STK17B: variants seen among roughly 807,000 people sequenced by gnomAD.
STK17B encodes serine/threonine-protein kinase 17B.
Under a neutral mutation model 42.0 loss-of-function variants are expected in STK17B, and 21 were observed. The observed-to-expected ratio is 0.50, with a 90% CI of 0.35 to 0.72. The LOEUF is 0.72. Ranked by LOEUF, STK17B falls within the 30% of genes least tolerant of loss-of-function variation. STK17B has a pLI of 0.00. For synonymous variants in STK17B, 143 were observed against 148.4 expected, an observed-to-expected ratio of 0.96 and a Z score of 0.26; for missense variants, 349 against 446.0, an observed-to-expected ratio of 0.78 and a Z score of 1.96.
Position 196,162,464 on chromosome 2 carries a change from AT to A in STK17B, c.122+797del, listed in dbSNP as rs538988448. Among the ~76,000 whole-genome samples the A allele has an allele frequency of 3.1e-3, 470 of 151,452 alleles. 3 individuals carry two copies. The highest frequency in any genetic ancestry group is 0.01 in the Middle Eastern group (3 of 294). On this transcript the variant is annotated intron_variant, in intron 2 of 7. Coordinates refer to ENST00000263955, the MANE Select transcript of STK17B (RefSeq NM_004226.4). Reference sequence around the variant, plus strand: ...CACAATACCCTAGGAATTTAAAAAAATATTTCATTTAACAAAAACTTACAGA... The same window carrying A: ...CACAATACCCTAGGAATTTAAAAAAAATTTCATTTAACAAAAACTTACAGA...
chr2:196,137,560 C>T lies in STK17B; in HGVS notation c.1006G>A (p.Asp336Asn). 6.2e-7 allele frequency: 1 copy of T among 1,614,112 alleles called. No homozygotes were observed. The highest frequency in any genetic ancestry group is 8.5e-7 in the Non-Finnish European group (1 of 1,179,996). The change falls in exon 8 of 8, where the codon GAT (aspartate) becomes AAT (asparagine). Residue 336 changes from aspartate (D) to asparagine (N), a missense_variant. Physicochemically the swap from Asp to Asn is conservative, Grantham distance 23. Transcript: ENST00000263955. ...GGGATATTCTCTTTGTCTTCTCTATCACCACAGGTTCCATTACAGGAGGAT... is the reference window on the plus strand; with the variant it reads ...GGGATATTCTCTTTGTCTTCTCTATTACCACAGGTTCCATTACAGGAGGAT... ...SKSSCNGTCG[D>N]REDKENIPED...
chr2:196,152,854 G>C lies in STK17B; in HGVS notation c.335+3585C>G, dbSNP rs138128421. Among the ~76,000 whole-genome samples the C allele has an allele frequency of 3.4e-4, 52 of 152,346 alleles. 1 individual carries two copies. The East Asian group carries it at 9.3e-3, about 27-fold the overall frequency. On this transcript the variant is annotated intron_variant, in intron 3 of 7. Transcript: ENST00000263955. Reference sequence around the variant, plus strand: ...TAGCTACATAGGTATGGTTGGAAGAGAGCAGAAGGAATAGGAATGAGAGCA... The same window carrying C: ...TAGCTACATAGGTATGGTTGGAAGACAGCAGAAGGAATAGGAATGAGAGCA...
intron 3 of STK17B, among the ~76,000 whole-genome samples, chr2:196,148,432 A>G (rs980058062): frequency 1.3e-5 from 2 of 152,214 alleles, no homozygotes; most frequent in African/African-American, 4.8e-5. Context: ...AAATAATATT[A>G]CAAATAATAT....
rs1699402584 is a variant in STK17B, at chr2:196,136,223, T to G, written c.*1224A>C. ...CATCAGGTGAAAATTCATAAAAGAT[T>G]ACCCGAAAAGGACTAACTTTCCCCA... On this transcript the variant is annotated 3_prime_UTR_variant, in exon 8 of 8. Transcript: ENST00000263955. The G allele has an allele frequency of 6.6e-6, 1 of 152,156 alleles. No homozygotes were observed. The highest frequency in any genetic ancestry group is 2.4e-5 in the African/African-American group (1 of 41,434). The allele number at this position is 152,156 out of a possible 1,614,324, so 9.4% of individuals were successfully genotyped here.
In STK17B at chr2:196,141,199, C is replaced by T. The variant is rs757526546; in HGVS notation, c.656+50G>A. ...TGGAGTCAAAGAACCCCAGAATATA[C>T]GTTTCCCAACTTTCCATAAAGATGT... On this transcript the variant is annotated intron_variant, in intron 6 of 7. Coordinates refer to ENST00000263955, the MANE Select transcript of STK17B (RefSeq NM_004226.4). 21 of 1,434,424 alleles carry T rather than the reference C, an allele frequency of 1.5e-5. No individual in the cohort carries two copies. The Middle Eastern group carries it at 6.0e-4, about 41-fold the overall frequency. The allele number at this position is 1,434,424 out of a possible 1,614,324, so 88.9% of individuals were successfully genotyped here. A position where few individuals can be genotyped will look rare whatever the true frequency, so the allele number is the denominator to read the frequency against.
At chr2:196,164,139 T>A (rs1328813874) in intron 1 of STK17B, among the ~76,000 whole-genome samples, 1 of 152,194 alleles carries the variant, frequency 6.6e-6, no homozygotes, top group African/African-American at 2.4e-5. Context: ...ATTTTAAACT[T>A]ATTTTCACAT....
chr2:196,169,165 C>T (rs1699907246), intron 1 of STK17B, among the ~76,000 whole-genome samples: 1 of 149,748 alleles, frequency 6.7e-6, no homozygotes. Flanking sequence ...CAACCTCGGC[C>T]TTCCGGGTCA....
At position 196,155,443 on chromosome 2, in the gene STK17B, G is replaced by A. The variant is rs187439984; in HGVS notation, c.335+996C>T. Reference sequence around the variant, plus strand: ...AAGTTGATTCCAGCCAATCTATTTCGTGGAACAAAAACATTAATTTTAAAA... The same window carrying A: ...AAGTTGATTCCAGCCAATCTATTTCATGGAACAAAAACATTAATTTTAAAA... On this transcript the variant is annotated intron_variant, in intron 3 of 7. Transcript: ENST00000263955. Among the ~76,000 whole-genome samples, 311 of 152,008 alleles carry A rather than the reference G, an allele frequency of 2.0e-3. 1 individual carries two copies. The highest frequency in any genetic ancestry group is 7.0e-3 in the African/African-American group (289 of 41,480).
At chr2:196,153,868 TA>T (rs1162587494) in intron 3 of STK17B, 4 of 152,234 alleles carry the variant, frequency 2.6e-5, no homozygotes, top group Non-Finnish European at 4.4e-5. Flanking sequence ...TGCCATGTGT[TA>T]GATTAATTTA....
At chr2:196,146,825 A>T (rs1229003204) in intron 3 of STK17B, among the ~76,000 whole-genome samples, 2 of 152,178 alleles carry the variant, frequency 1.3e-5, no homozygotes, top group East Asian at 3.8e-4. Flanking sequence ...TTAGGTTAAC[A>T]AACTTGAATA....
chr2:196,172,043 C>G (rs1699955010), upstream of STK17B, among the ~76,000 whole-genome samples: 1 of 152,188 alleles, frequency 6.6e-6, no homozygotes, highest in African/African-American at 2.4e-5. Context: ...GAGAGTCTTC[C>G]TTAGGACCGG....
At chr2:196,161,310 C>T (rs1699809314) in intron 2 of STK17B, among the ~76,000 whole-genome samples, 1 of 150,686 alleles carries the variant, frequency 6.6e-6, no homozygotes, top group African/African-American at 2.4e-5. Flanking sequence ...AAAAAAAAAA[C>T]CTTTCTTCCT....
chr2:196,175,624 T>A (rs1300478980), upstream of STK17B, among the ~76,000 whole-genome samples: 1 of 152,182 alleles, frequency 6.6e-6, no homozygotes, highest in Non-Finnish European at 1.5e-5. Flanking sequence ...CGAGACTCTG[T>A]CTCAAAAATA....
chr2:196,168,919 T>C (rs1461962353), intron 1 of STK17B, among the ~76,000 whole-genome samples: 2 of 152,142 alleles, frequency 1.3e-5, no homozygotes, highest in African/African-American at 4.8e-5. Context: ...CTAAAGCAAC[T>C]GACATTTGAA....
chr2:196,172,150 A>G (rs1699956173), upstream of STK17B, among the ~76,000 whole-genome samples: 3 of 152,226 alleles, frequency 2.0e-5, no homozygotes, highest in African/African-American at 7.2e-5. Context: ...CCTAGACCCC[A>G]CTGCTAACGT....
At chr2:196,169,812 A>C (rs1699916870) in intron 1 of STK17B, among the ~76,000 whole-genome samples, 1 of 152,214 alleles carries the variant, frequency 6.6e-6, no homozygotes, top group Admixed American at 6.5e-5. Flanking sequence ...GATGGTCTTC[A>C]ATTACAGAAA....
intron 3 of STK17B, among the ~76,000 whole-genome samples, chr2:196,149,980 T>C (rs533985760): frequency 1.3e-5 from 2 of 152,188 alleles, no homozygotes; most frequent in South Asian, 2.1e-4. Flanking sequence ...AGGACTGCCA[T>C]TTCTCACACA....
At chr2:196,152,130 G>A (rs1443182053) in intron 3 of STK17B, among the ~76,000 whole-genome samples, 4 of 137,440 alleles carry the variant, frequency 2.9e-5, no homozygotes, top group Admixed American at 7.6e-5. Context: ...TTTTTGAGAC[G>A]AAGTCTCGCT....
intron 1 of STK17B, among the ~76,000 whole-genome samples, chr2:196,168,371 T>C (rs1699896334): frequency 6.6e-6 from 1 of 152,168 alleles, no homozygotes; most frequent in Non-Finnish European, 1.5e-5. Context: ...AGTGGGGGAT[T>C]CCGGGGTGGG....
Sources: gnomAD v4.1 joint callset for allele counts (sites outside exome capture counted in the v4.1 genomes callset) on GRCh38, gnomAD v4.1.1 for gene constraint, MANE v1.5 for transcripts, NCBI Gene and HGNC (gene_info 2026-07-23, HGNC 2026-07-21) for gene names.